MB21D2: variants seen among roughly 807,000 people sequenced by gnomAD.
MB21D2 encodes the protein nucleotidyltransferase MB21D2.
A neutral mutation model predicts 33.3 loss-of-function variants in MB21D2; 9 were observed. That is an observed-to-expected ratio of 0.27 (90% CI 0.16 to 0.47). The LOEUF is 0.47. Among genes scored for constraint, MB21D2 ranks in the 20% least tolerant of loss-of-function variants. The probability of loss-of-function intolerance (pLI) is 0.99; values close to 1 mark genes in which losing one functional copy is unlikely to be tolerated. For synonymous variants in MB21D2, 241 were observed against 236.3 expected (o/e 1.02, Z -0.18); for missense variants, 540 against 624.6 (o/e 0.86, Z 1.44).
At chr3:192,880,578 G>A (rs2108642462) in intron 1 of MB21D2, among the ~76,000 whole-genome samples, 1 of 152,174 alleles carries the variant, frequency 6.6e-6, no homozygotes. Flanking sequence ...GTCTCCAGAT[G>A]TGAGTCCCCC....
rs986723647 is a variant in MB21D2, at chr3:192,827,069, T to C, written c.212-27419A>G. On this transcript the variant is annotated intron_variant, in intron 1 of 1. Transcript: ENST00000392452. ...ACCACCACGTCCGGCTAATTTTTTG[T>C]ATTTTTTTAGTAGAGACGGGGTTTC... Among the ~76,000 whole-genome samples the C allele has an allele frequency of 2.0e-5, 3 of 152,170 alleles. No individual in the cohort carries two copies. The South Asian group carries it at 6.2e-4, about 32-fold the overall frequency.
chr3:192,832,520 G>A (rs556829114), intron 1 of MB21D2, among the ~76,000 whole-genome samples: 6 of 152,280 alleles, frequency 3.9e-5, no homozygotes, highest in African/African-American at 7.2e-5. Context: ...CGCCAGGTGC[G>A]GTGGGTCACG....
intron 1 of MB21D2, among the ~76,000 whole-genome samples, chr3:192,887,924 C>T (rs2108645732): frequency 6.6e-6 from 1 of 152,086 alleles, no homozygotes; most frequent in South Asian, 2.1e-4. Context: ...TTCAAACAAG[C>T]TCCCAGGTGC....
intron 1 of MB21D2, among the ~76,000 whole-genome samples, chr3:192,853,679 G>A (rs1178324289): frequency 6.6e-6 from 1 of 151,818 alleles, no homozygotes; most frequent in Non-Finnish European, 1.5e-5. Flanking sequence ...AGACTTACAA[G>A]TACAGGCGCA....
chr3:192,811,555 C>A (rs1243381573), intron 1 of MB21D2, among the ~76,000 whole-genome samples: 1 of 152,184 alleles, frequency 6.6e-6, no homozygotes, highest in East Asian at 1.9e-4. Context: ...GAGAACAATT[C>A]TCAAAAAGAG....
intron 1 of MB21D2, among the ~76,000 whole-genome samples, chr3:192,897,767 G>A (rs1466401610): frequency 6.6e-6 from 1 of 152,114 alleles, no homozygotes; most frequent in Non-Finnish European, 1.5e-5. Context: ...CAAGGCAGGA[G>A]GATCACTTGA....
intron 1 of MB21D2, among the ~76,000 whole-genome samples, chr3:192,904,770 G>C (rs931621095): frequency 1.3e-5 from 2 of 152,232 alleles, no homozygotes; most frequent in African/African-American, 4.8e-5. Flanking sequence ...AGGGATGAGA[G>C]GTGATCTCCA....
chr3:192,842,979 G>A (rs1712607131), intron 1 of MB21D2, among the ~76,000 whole-genome samples: 1 of 152,194 alleles, frequency 6.6e-6, no homozygotes, highest in Non-Finnish European at 1.5e-5. Context: ...TCATGCCCTT[G>A]GGGTGAAAAG....
intron 1 of MB21D2, among the ~76,000 whole-genome samples, chr3:192,848,076 T>C (rs1577182246): frequency 6.6e-6 from 1 of 152,332 alleles, no homozygotes; most frequent in Middle Eastern, 3.4e-3. Flanking sequence ...TCTGGTCACA[T>C]ACCCGGCATT....
intron 1 of MB21D2, among the ~76,000 whole-genome samples, chr3:192,874,514 C>G (rs1187814336): frequency 2.0e-5 from 3 of 152,206 alleles, no homozygotes; most frequent in African/African-American, 7.2e-5. Flanking sequence ...CCAATTCCAG[C>G]CCTATCCCCA....
At chr3:192,850,280 G>T (rs1465120757) in intron 1 of MB21D2, among the ~76,000 whole-genome samples, 1 of 152,088 alleles carries the variant, frequency 6.6e-6, no homozygotes, top group Non-Finnish European at 1.5e-5. Context: ...GATCTCCCAG[G>T]AGACAGACTC....
intron 1 of MB21D2, among the ~76,000 whole-genome samples, chr3:192,813,611 G>A (rs1711839517): frequency 6.6e-6 from 1 of 152,134 alleles, no homozygotes; most frequent in African/African-American, 2.4e-5. Context: ...TTGATGAACA[G>A]CTCTAGAATT....
At position 192,898,221 on chromosome 3, in the gene MB21D2, CGT is replaced by C. The variant is rs1491426317; in HGVS notation, c.211+19407_211+19408del. Among the ~76,000 whole-genome samples, 148 of 105,408 alleles carry C rather than the reference CGT, an allele frequency of 1.4e-3. 1 individual carries two copies. Among genetic ancestry groups the C allele is most frequent in the African/African-American group, 5.2e-3 (140 of 26,750 alleles). 69.2% of individuals were successfully genotyped at this position (105,408 alleles called of 152,430 possible). On this transcript the variant is annotated intron_variant, in intron 1 of 1. Coordinates refer to ENST00000392452, the MANE Select transcript of MB21D2 (RefSeq NM_178496.4). ...TACAACCAAAAACACATGAATCTCA[CGT>C]ATTTTTTTTTTTTTTGGAGATGGGA...
At chr3:192,900,284 C>CAAAAAAAAAA (rs66984849) in intron 1 of MB21D2, among the ~76,000 whole-genome samples, 1 of 91,200 alleles carries the variant, frequency 1.1e-5, no homozygotes, top group Non-Finnish European at 2.1e-5. Flanking sequence ...GACTCTGTCT[C>CAAAAAAAAAA]AAAAAAAAAA....
At chr3:192,827,039 T>C (rs1293935083) in intron 1 of MB21D2, among the ~76,000 whole-genome samples, 2 of 151,948 alleles carry the variant, frequency 1.3e-5, no homozygotes, top group East Asian at 3.9e-4. Context: ...CTACAGTAGG[T>C]GCCCACCACC....
intron 1 of MB21D2, among the ~76,000 whole-genome samples, chr3:192,897,438 C>T (rs1714003669): frequency 6.6e-6 from 1 of 152,032 alleles, no homozygotes. Context: ...AGTAACTTGC[C>T]ATAAGATAGA....
At chr3:192,868,949 T>C (rs1399435212) in intron 1 of MB21D2, among the ~76,000 whole-genome samples, 1 of 152,150 alleles carries the variant, frequency 6.6e-6, no homozygotes, top group Non-Finnish European at 1.5e-5. Flanking sequence ...CATGAAATAA[T>C]ACATTAAGTA....
intron 1 of MB21D2, among the ~76,000 whole-genome samples, chr3:192,886,912 A>G (rs1028663319): frequency 2.6e-5 from 4 of 151,490 alleles, no homozygotes; most frequent in Non-Finnish European, 5.9e-5. Flanking sequence ...CTACTGTAAA[A>G]CTCTGTTTTC....
chr3:192,892,196 G>A (rs1713865846), intron 1 of MB21D2, among the ~76,000 whole-genome samples: 1 of 152,172 alleles, frequency 6.6e-6, no homozygotes, highest in Non-Finnish European at 1.5e-5. Flanking sequence ...CACTGCCCGT[G>A]AGGCAGGGTC....
Sources: allele counts gnomAD v4.1 joint callset (sites outside exome capture counted in the v4.1 genomes callset), GRCh38; gene constraint gnomAD v4.1.1; transcripts MANE v1.5; gene names NCBI Gene and HGNC (gene_info 2026-07-23, HGNC 2026-07-21).